The following TTLL7 variants were observed in gnomAD, a reference collection of about 807,000 sequenced individuals.
The protein encoded by TTLL7 is tubulin tyrosine ligase like 7, also known as tubulin polyglutamylase TTLL7.
In TTLL7, 53 loss-of-function variants were observed where a neutral mutation model predicts 120.2. That is an observed-to-expected ratio of 0.44 (90% CI 0.35 to 0.55). TTLL7 has a LOEUF of 0.55. Among genes scored for constraint, TTLL7 ranks in the 20% least tolerant of loss-of-function variants. The probability of loss-of-function intolerance (pLI) is 0.00; values close to 1 mark genes in which losing one functional copy is unlikely to be tolerated. For missense variants in TTLL7, 803 were observed against 1,054.7 expected, an observed-to-expected ratio of 0.76 and a Z score of 3.31; for synonymous variants, 353 against 351.7, an observed-to-expected ratio of 1.00 and a Z score of -0.04.
At chr1:83,930,566 G>C (rs1659510887) in intron 9 of TTLL7, among the ~76,000 whole-genome samples, 2 of 152,126 alleles carry the variant, frequency 1.3e-5, no homozygotes, top group South Asian at 2.1e-4. Context: ...TGCAAAGAAA[G>C]GGTAAAGTAA....
chr1:83,871,133 A>T (rs2100689894), intron 20 of TTLL7, among the ~76,000 whole-genome samples: 1 of 151,682 alleles, frequency 6.6e-6, no homozygotes, highest in Non-Finnish European at 1.5e-5. Flanking sequence ...CTCTTGCCTC[A>T]GCCTCTCAAG....
At chr1:83,962,435 T>A (rs772432317) in intron 1 of TTLL7, among the ~76,000 whole-genome samples, 5 of 152,146 alleles carry the variant, frequency 3.3e-5, no homozygotes, top group Non-Finnish European at 7.3e-5. Context: ...TATTTCCATC[T>A]ACTTTTATGT....
intron 1 of TTLL7, among the ~76,000 whole-genome samples, chr1:83,964,015 G>A (rs1650235467): frequency 6.6e-6 from 1 of 152,014 alleles, no homozygotes; most frequent in South Asian, 2.1e-4. Context: ...TTTTAAGGAG[G>A]GAAGGAATAA....
intron 8 of TTLL7, among the ~76,000 whole-genome samples, chr1:83,936,828 T>C (rs1571240457): frequency 6.6e-6 from 1 of 152,276 alleles, no homozygotes; most frequent in Non-Finnish European, 1.5e-5. Context: ...GCCTAAAATA[T>C]CACTGGCACC....
At chr1:83,950,183 G>A (rs1001725450) in intron 3 of TTLL7, among the ~76,000 whole-genome samples, 197 bp from the exon 4 acceptor site, 6 of 151,882 alleles carry the variant, frequency 4.0e-5, no homozygotes, top group Non-Finnish European at 8.8e-5. Flanking sequence ...ACTGTTTTTC[G>A]GTTGCACCCA....
intron 18 of TTLL7, 139 bp downstream of exon 18, chr1:83,903,939 TA>T: frequency 1.4e-6 from 1 of 693,738 alleles, no homozygotes; most frequent in Non-Finnish European, 2.5e-6. Flanking sequence ...GCCTGACACA[TA>T]ATAGATACTT....
chr1:83,894,461 A>G (rs1281130685), intron 18 of TTLL7, among the ~76,000 whole-genome samples: 1 of 152,144 alleles, frequency 6.6e-6, no homozygotes, highest in East Asian at 1.9e-4. Flanking sequence ...GGCAACTAAC[A>G]TGTATCATCC....
At chr1:83,882,529 TAC>T (rs1477834131) in intron 20 of TTLL7, 4 of 152,354 alleles carry the variant, frequency 2.6e-5, no homozygotes, top group African/African-American at 9.6e-5. Flanking sequence ...CTTTACCTCC[TAC>T]ATATTTGGTA....
chr1:83,940,212 C>T (rs1647821189), intron 7 of TTLL7, among the ~76,000 whole-genome samples: 1 of 152,120 alleles, frequency 6.6e-6, no homozygotes, highest in Admixed American at 6.5e-5. Context: ...ATTATATACA[C>T]ATAGGACATT....
chr1:83,936,483 T>C (rs1481924826), intron 8 of TTLL7, among the ~76,000 whole-genome samples: 5 of 152,212 alleles, frequency 3.3e-5, no homozygotes, highest in Admixed American at 3.3e-4. Flanking sequence ...CCAAAATTAA[T>C]GAATTTTACC....
At chr1:83,904,858 T>C (rs1657047754) in intron 17 of TTLL7, among the ~76,000 whole-genome samples, 1 of 152,098 alleles carries the variant, frequency 6.6e-6, no homozygotes, top group African/African-American at 2.4e-5. Flanking sequence ...TATATAGTCT[T>C]GTAATATATA....
intron 14 of TTLL7, among the ~76,000 whole-genome samples, chr1:83,912,127 T>C (rs1013682726): frequency 2.6e-5 from 4 of 152,166 alleles, no homozygotes; most frequent in African/African-American, 4.8e-5. Flanking sequence ...TAACTTTTCA[T>C]TGCCCATGCT....
At chr1:83,909,854 A>T (rs12354247) in intron 15 of TTLL7, among the ~76,000 whole-genome samples, 30 of 152,158 alleles carry the variant, frequency 2.0e-4, no homozygotes, top group South Asian at 8.3e-4. Context: ...GGGAATTAAA[A>T]ACTGACCAAA....
At chr1:83,918,783 C>G (rs998924627) in intron 13 of TTLL7, among the ~76,000 whole-genome samples, 2 of 152,172 alleles carry the variant, frequency 1.3e-5, no homozygotes, top group Non-Finnish European at 2.9e-5. Flanking sequence ...AAACTAAATT[C>G]CAAAGAGGAA....
chr1:83,925,736 T>C (rs990329764), intron 10 of TTLL7, among the ~76,000 whole-genome samples: 3 of 152,228 alleles, frequency 2.0e-5, no homozygotes, highest in Non-Finnish European at 2.9e-5. Context: ...TATGAGCATA[T>C]ATATTTCCCT....
At chr1:83,935,826 G>A (rs1647327447) in intron 8 of TTLL7, among the ~76,000 whole-genome samples, 1 of 151,984 alleles carries the variant, frequency 6.6e-6, no homozygotes, top group Admixed American at 6.6e-5. Context: ...TTATCCCATT[G>A]ATTCACCTTA....
chr1:83,871,844 C>A (rs913104313), intron 20 of TTLL7, among the ~76,000 whole-genome samples: 5 of 148,874 alleles, frequency 3.4e-5, no homozygotes, highest in Non-Finnish European at 7.4e-5. Context: ...TTGCAGTGAG[C>A]CGAGATCGTG....
rs368264848 is a variant in TTLL7 at position 83,891,959 on chromosome 1, G to A, written c.2209-1478C>T. ...CCTCCCATCTCAGCCTCCTGAGGAG[G>A]TGGGACAAGAGGCACACACCACCAT... On this transcript the variant is annotated intron_variant, in intron 18 of 20. Transcript: ENST00000260505. 4.0e-5 allele frequency among the ~76,000 whole-genome samples: 6 copies of A among 151,710 alleles called. No homozygotes were observed. The East Asian group carries it at 9.8e-4, about 25-fold the overall frequency.
intron 1 of TTLL7, among the ~76,000 whole-genome samples, chr1:83,974,968 A>T (rs1651329244): frequency 1.3e-5 from 2 of 152,168 alleles, no homozygotes; most frequent in East Asian, 3.9e-4. Context: ...CTCTGTAATA[A>T]GCAGTGCTCT....
Sources: gnomAD v4.1 joint callset for allele counts (sites outside exome capture counted in the v4.1 genomes callset) on GRCh38, gnomAD v4.1.1 for gene constraint, MANE v1.5 for transcripts, NCBI Gene and HGNC (gene_info 2026-07-23, HGNC 2026-07-21) for gene names.